Variants in TIGAR observed in about 807,000 individuals in gnomAD.
TIGAR encodes the protein fructose-2,6-bisphosphatase TIGAR.
In TIGAR, 7 loss-of-function variants were observed where a neutral mutation model predicts 17.9. That is an observed-to-expected ratio of 0.39 (90% CI 0.22 to 0.73). TIGAR has a LOEUF of 0.73. Ranked by LOEUF, TIGAR falls within the 30% of genes least tolerant of loss-of-function variation. The pLI, the probability that TIGAR is intolerant of heterozygous loss-of-function variation, is 0.42. For synonymous variants in TIGAR, 94 were observed against 108.6 expected, an observed-to-expected ratio of 0.87 and a Z score of 0.84; for missense variants, 258 against 327.4, an observed-to-expected ratio of 0.79 and a Z score of 1.64.
intron 1 of TIGAR, among the ~76,000 whole-genome samples, chr12:4,328,652 C>T (rs1216356497): frequency 1.3e-5 from 2 of 151,172 alleles, no homozygotes; most frequent in African/African-American, 2.4e-5. Context: ...TCTTGGCTCA[C>T]TGCAACCTCC....
intron 1 of TIGAR, among the ~76,000 whole-genome samples, chr12:4,330,213 AACTAGTG>A (rs1469668909): frequency 3.9e-5 from 6 of 152,278 alleles, no homozygotes; most frequent in African/African-American, 1.4e-4. Context: ...AATTATTATA[AACTAGTG>A]CTTCACTTAA....
chr12:4,340,164 C>T (rs1864704333), intron 3 of TIGAR, among the ~76,000 whole-genome samples: 1 of 152,182 alleles, frequency 6.6e-6, no homozygotes, highest in African/African-American at 2.4e-5. Context: ...TTTGGAAAAA[C>T]CTGAAAACCC....
At chr12:4,344,041 G>T (rs1446143809) in intron 3 of TIGAR, among the ~76,000 whole-genome samples, 1 of 151,934 alleles carries the variant, frequency 6.6e-6, no homozygotes, top group Non-Finnish European at 1.5e-5. Flanking sequence ...ATGATAAAGG[G>T]GATATCACCA....
In TIGAR at chr12:4,338,217, G is replaced by T. The variant is rs182438528; in HGVS notation, c.192+1057G>T. ...AGTTTTGTGACCAACTGTGAGTGAG[G>T]TATTGTTGGAATTTCATCTCCCCTA... is the stretch of plus-strand genomic sequence containing the variant. On this transcript the variant is annotated intron_variant, in intron 3 of 5. Coordinates refer to ENST00000179259, the MANE Select transcript of TIGAR (RefSeq NM_020375.3). Among the ~76,000 whole-genome samples, 409 of 152,308 alleles carry T rather than the reference G, an allele frequency of 2.7e-3. 7 individuals are homozygous for T. The highest frequency in any genetic ancestry group is 4.1e-3 in the Non-Finnish European group (278 of 68,024).
intron 1 of TIGAR, among the ~76,000 whole-genome samples, chr12:4,329,328 C>CTTTTTTTTTTTTTTTT (rs34584528): frequency 1.4e-5 from 1 of 73,238 alleles, no homozygotes. Context: ...AGCTAATGAT[C>CTTTTTTTTTTTTTTTT]TTTTTTTTTT....
intron 3 of TIGAR, among the ~76,000 whole-genome samples, chr12:4,341,750 A>G: frequency 6.6e-6 from 1 of 152,218 alleles, no homozygotes; most frequent in Admixed American, 6.5e-5. Context: ...CGTCACCATC[A>G]TCAAAGACCA....
chr12:4,352,190 T>C, intron 5 of TIGAR, 70 bp from the exon 6 acceptor site: 1 of 1,345,930 alleles, frequency 7.4e-7, no homozygotes, highest in Non-Finnish European at 1.0e-6. Flanking sequence ...CAGTCAGTTA[T>C]GTTCTATGTT....
At chr12:4,345,102 T>TA (rs1413583160) in intron 3 of TIGAR, among the ~76,000 whole-genome samples, 1 of 152,070 alleles carries the variant, frequency 6.6e-6, no homozygotes, top group African/African-American at 2.4e-5. Flanking sequence ...CTCAATGAAA[T>TA]AAAAGAGGAC....
At chr12:4,331,408 G>C in intron 2 of TIGAR, 91 bp downstream of exon 2, 1 of 1,173,492 alleles carries the variant, frequency 8.5e-7, no homozygotes, top group Non-Finnish European at 1.3e-6. Context: ...GGTAGACTGG[G>C]GGCAGCACTC....
chr12:4,338,829 T>G (rs374949729), intron 3 of TIGAR, among the ~76,000 whole-genome samples: 1 of 151,758 alleles, frequency 6.6e-6, no homozygotes, highest in East Asian at 1.9e-4. Context: ...ATAACAAATC[T>G]GCCTGGCGTG....
chr12:4,350,026 C>A, intron 4 of TIGAR, 130 bp downstream of exon 4: 1 of 629,434 alleles, frequency 1.6e-6, no homozygotes, highest in Non-Finnish European at 2.7e-6. Context: ...TAAGAATCTA[C>A]CATATGACAG....
chr12:4,340,496 T>C (rs796957069), intron 3 of TIGAR, among the ~76,000 whole-genome samples: 3 of 152,328 alleles, frequency 2.0e-5, no homozygotes, highest in African/African-American at 7.2e-5. Flanking sequence ...ACAGATTCAA[T>C]GCAATTTCTA....
Position 4,359,912 on chromosome 12 carries a change from A to G in TIGAR, c.*7221A>G, listed in dbSNP as rs1238577313. Among the ~76,000 whole-genome samples the G allele has an allele frequency of 6.6e-6, 1 of 152,162 alleles. No individual in the cohort carries two copies. The highest frequency in any genetic ancestry group is 2.4e-5 in the African/African-American group (1 of 41,442). ...TTAGCCATTCTGATTGTTGTATGGTAGTATATCCCTGCAATTTTAACTGGT... is the reference window on the plus strand; with the variant it reads ...TTAGCCATTCTGATTGTTGTATGGTGGTATATCCCTGCAATTTTAACTGGT... On this transcript the variant is annotated 3_prime_UTR_variant, in exon 6 of 6. Coordinates refer to ENST00000179259, the MANE Select transcript of TIGAR (RefSeq NM_020375.3).
chr12:4,341,705 A>G (rs1307869792), intron 3 of TIGAR, among the ~76,000 whole-genome samples: 1 of 152,218 alleles, frequency 6.6e-6, no homozygotes, highest in African/African-American at 2.4e-5. Flanking sequence ...AAACTAACAA[A>G]CAGAAAGGAC....
chr12:4,339,538 C>A (rs890204503), intron 3 of TIGAR, among the ~76,000 whole-genome samples: 16 of 152,210 alleles, frequency 1.1e-4, no homozygotes, highest in African/African-American at 3.9e-4. Flanking sequence ...TACTTCCAAA[C>A]TTATTCTGTG....
In TIGAR at chr12:4,321,228, G is replaced by A. The variant is rs202106929; in HGVS notation, c.-44G>A. On this transcript the variant is annotated 5_prime_UTR_variant, in exon 1 of 6. Transcript: ENST00000179259. The surrounding 1 kb of genome is among the most constrained non-coding windows in gnomAD (Gnocchi z 5.2). ...TGGGGGAGGTAGCCCGCAGTGCAGG[G>A]GCAGCGCGGCGCGGGGCCACCGACG... 1,811 of 1,597,910 alleles carry A rather than the reference G, an allele frequency of 1.1e-3. 4 individuals carry two copies. The highest frequency in any genetic ancestry group is 1.5e-3 in the Non-Finnish European group (1,716 of 1,179,474).
At chr12:4,346,191 A>G (rs1192043199) in intron 3 of TIGAR, among the ~76,000 whole-genome samples, 2 of 152,192 alleles carry the variant, frequency 1.3e-5, no homozygotes, top group African/African-American at 2.4e-5. Flanking sequence ...TGTGGAAGAC[A>G]GTGTGGCAAT....
Position 4,356,633 on chromosome 12 carries a change from G to A in TIGAR, c.*3942G>A, listed in dbSNP as rs141249919. Among the ~76,000 whole-genome samples, 523 of 152,262 alleles carry A rather than the reference G, an allele frequency of 3.4e-3. 6 individuals carry two copies. Among genetic ancestry groups the A allele is most frequent in the African/African-American group, 0.012 (484 of 41,546 alleles). On this transcript the variant is annotated 3_prime_UTR_variant, in exon 6 of 6. Transcript: ENST00000179259. ...TACATTAGGGTTCATTCTTGGTGTT[G>A]CATGATCTGTGGGTTTGGACAAACG...
In TIGAR at chr12:4,356,084, A is replaced by C. The variant is rs1275347455; in HGVS notation, c.*3393A>C. Among the ~76,000 whole-genome samples the C allele has an allele frequency of 2.0e-5, 3 of 152,214 alleles. No homozygotes were observed. In the East Asian group the frequency reaches 5.8e-4, roughly 29 times the overall value. On this transcript the variant is annotated 3_prime_UTR_variant, in exon 6 of 6. Coordinates refer to ENST00000179259, the MANE Select transcript of TIGAR (RefSeq NM_020375.3). ...GCAGTGATGTGATCAGACTTGTTTC[A>C]GCAGGACCATCCTGCTTGCAATGTG... is the stretch of plus-strand genomic sequence containing the variant.
Sources: allele counts gnomAD v4.1 joint callset (sites outside exome capture counted in the v4.1 genomes callset), GRCh38; gene constraint gnomAD v4.1.1; non-coding constraint Gnocchi (gnomAD v3.1); transcripts MANE v1.5; gene names NCBI Gene and HGNC (gene_info 2026-07-23, HGNC 2026-07-21).